ZNF600: variants seen among roughly 807,000 people sequenced by gnomAD.
ZNF600 encodes zinc finger protein KR-ZNF1.
In ZNF600, 4 loss-of-function variants were observed where a neutral mutation model predicts 7.3. The observed-to-expected ratio is 0.55, with a 90% confidence interval of 0.27 to 1.25. The LOEUF (loss-of-function observed/expected upper bound fraction) is 1.25. ZNF600 is among the 50% of genes most tolerant of loss of function. The pLI, the probability that ZNF600 is intolerant of heterozygous loss-of-function variation, is 0.12. For synonymous variants in ZNF600, 290 were observed against 308.9 expected, an observed-to-expected ratio of 0.94 and a Z score of 0.64; for missense variants, 911 against 922.1, an observed-to-expected ratio of 0.99 and a Z score of 0.16.
chr19:52,798,923 T>A, the ZNF600 span: 1 of 1,435,400 alleles, frequency 7.0e-7, no homozygotes, highest in Non-Finnish European at 9.4e-7. Context: ...TTTGCCACAC[T>A]CATTGCACTT....
At chr19:52,831,990 A>G in the ZNF600 span, among the ~76,000 whole-genome samples, 1 of 144,880 alleles carries the variant, frequency 6.9e-6, no homozygotes, top group African/African-American at 2.5e-5. Context: ...TAAAATCATT[A>G]CAATTATTAT....
intron 1 of ZNF600, among the ~76,000 whole-genome samples, chr19:52,783,591 G>A (rs2062741101): frequency 6.6e-6 from 1 of 152,108 alleles, no homozygotes; most frequent in African/African-American, 2.4e-5. Context: ...TCAATCTCCT[G>A]ACCTAGTGAT....
At chr19:52,825,063 C>T in the ZNF600 span, among the ~76,000 whole-genome samples, 6 of 152,004 alleles carry the variant, frequency 3.9e-5, no homozygotes, top group Non-Finnish European at 7.4e-5. Context: ...CTCTCATGTT[C>T]TCAGAGAGGG....
At chr19:52,815,429 C>T in the ZNF600 span, among the ~76,000 whole-genome samples, 3 of 145,252 alleles carry the variant, frequency 2.1e-5, no homozygotes, top group Admixed American at 2.1e-4. Context: ...AAGCAGGAGA[C>T]ACACTTGAAC....
chr19:52,830,794 G>A, the ZNF600 span, among the ~76,000 whole-genome samples: 5 of 149,434 alleles, frequency 3.3e-5, no homozygotes, highest in South Asian at 1.1e-3. Flanking sequence ...TATCATGTGA[G>A]GCAAGGCCAG....
chr19:52,813,472 G>A, the ZNF600 span, among the ~76,000 whole-genome samples: 1 of 146,664 alleles, frequency 6.8e-6, no homozygotes, highest in Non-Finnish European at 1.5e-5. Flanking sequence ...TCCAGGGTAG[G>A]CGGGCGGGGG....
chr19:52,787,768 G>C (rs916014502), upstream of ZNF600, among the ~76,000 whole-genome samples: 9 of 149,016 alleles, frequency 6.0e-5, no homozygotes, highest in Admixed American at 4.7e-4. Context: ...GCTGAGACAG[G>C]AGAATGGAGT....
At chr19:52,782,530 A>C (rs1407614310) in intron 1 of ZNF600, among the ~76,000 whole-genome samples, 21 of 152,074 alleles carry the variant, frequency 1.4e-4, no homozygotes, top group Admixed American at 1.4e-3. Flanking sequence ...TCCAAAAAAA[A>C]AAAACCGACA....
the ZNF600 span, among the ~76,000 whole-genome samples, chr19:52,832,365 G>A: frequency 6.6e-6 from 1 of 152,148 alleles, no homozygotes; most frequent in African/African-American, 2.4e-5. Context: ...GGAGGCTAAG[G>A]TGAAAAAACA....
upstream of ZNF600, among the ~76,000 whole-genome samples, chr19:52,787,103 C>T (rs1447791578): frequency 6.6e-6 from 1 of 152,260 alleles, no homozygotes; most frequent in Non-Finnish European, 1.5e-5. Flanking sequence ...AAATCCTCTC[C>T]CTTTCTATTC....
chr19:52,773,656 G>T lies in ZNF600; in HGVS notation c.190+919C>A, dbSNP rs185354521. Reference sequence around the variant, plus strand: ...GGAGGATGGATGGGTGGATCACAAGGTCAGGAGTTCGAGACCAGCCAGGCC... The same window carrying T: ...GGAGGATGGATGGGTGGATCACAAGTTCAGGAGTTCGAGACCAGCCAGGCC... On this transcript the variant is annotated intron_variant, in intron 3 of 3. Coordinates refer to ENST00000648973, the Ensembl canonical transcript of ZNF600. 1.3e-3 allele frequency among the ~76,000 whole-genome samples: 201 copies of T among 152,090 alleles called. 1 individual carries two copies. The highest frequency in any genetic ancestry group is 4.6e-3 in the African/African-American group (191 of 41,490).
At chr19:52,830,699 A>G in the ZNF600 span, among the ~76,000 whole-genome samples, 6 of 151,786 alleles carry the variant, frequency 4.0e-5, no homozygotes, top group African/African-American at 9.7e-5. Flanking sequence ...CAGGGAGAGT[A>G]GTGTTGGAGG....
the ZNF600 span, among the ~76,000 whole-genome samples, chr19:52,825,749 G>GATCCATC: frequency 6.6e-6 from 1 of 152,110 alleles, no homozygotes; most frequent in Non-Finnish European, 1.5e-5. Context: ...ACTTCGGGAG[G>GATCCATC]CTGAGGGGGA....
At chr19:52,804,102 A>G in the ZNF600 span, among the ~76,000 whole-genome samples, 18 of 152,228 alleles carry the variant, frequency 1.2e-4, no homozygotes, top group Non-Finnish European at 2.2e-4. Flanking sequence ...GTGCATTTAT[A>G]GAGACATTAA....
At chr19:52,767,184 T>G in exon 4 of ZNF600, 1 of 1,614,168 alleles carries the variant, frequency 6.2e-7, no homozygotes, top group Non-Finnish European at 8.5e-7. Flanking sequence ...TACATCACAT[T>G]TATATTGTTT....
intron 1 of ZNF600, among the ~76,000 whole-genome samples, chr19:52,782,121 C>T (rs924837358): frequency 1.1e-4 from 16 of 151,358 alleles, no homozygotes; most frequent in Middle Eastern, 3.4e-3. Flanking sequence ...CCAGCTACTC[C>T]GGAGGCTGAG....
chr19:52,791,232 C>G (rs898029069), upstream of ZNF600, among the ~76,000 whole-genome samples: 3 of 152,194 alleles, frequency 2.0e-5, no homozygotes, highest in African/African-American at 4.8e-5. Context: ...ACTGACACCA[C>G]GGGGCCCACA....
chr19:52,768,374 A>G (rs2062605772), intron 3 of ZNF600, among the ~76,000 whole-genome samples: 1 of 149,244 alleles, frequency 6.7e-6, no homozygotes. Flanking sequence ...TGGGAGGCAG[A>G]GGTTGCGGTG....
chr19:52,827,923 C>T, the ZNF600 span, among the ~76,000 whole-genome samples: 7 of 152,138 alleles, frequency 4.6e-5, no homozygotes, highest in African/African-American at 1.7e-4. Context: ...TCACGCAGGA[C>T]GCTTCAGACT....
Sources: gnomAD v4.1 joint callset for allele counts (sites outside exome capture counted in the v4.1 genomes callset) on GRCh38, gnomAD v4.1.1 for gene constraint, MANE v1.5 for transcripts, NCBI Gene and HGNC (gene_info 2026-07-23, HGNC 2026-07-21) for gene names.